The following ATP8A1 variants were observed in gnomAD, a reference collection of about 807,000 sequenced individuals.
The protein encoded by ATP8A1 is phospholipid-transporting ATPase IA.
ATP8A1 carries 90 observed loss-of-function variants against 177.7 expected under a neutral mutation model. The ratio of observed to expected loss-of-function variants is 0.51; its 90% confidence interval spans 0.43 to 0.60. The LOEUF is 0.60. Ranked by LOEUF, ATP8A1 falls within the 20% of genes least tolerant of loss-of-function variation. The pLI is 0.00. For synonymous variants in ATP8A1, 493 were observed against 485.9 expected, an observed-to-expected ratio of 1.01 and a Z score of -0.19; for missense variants, 1,072 against 1,392.8, an observed-to-expected ratio of 0.77 and a Z score of 3.67.
In ATP8A1 at chr4:42,412,891, G is replaced by C. The variant is rs375445242; in HGVS notation, c.*25C>G. ...GGTAGCTCTCCTTAGAGAGGTAACA[G>C]AGCCTGCCTTTCAGGCTCTCCCCAT... On this transcript the variant is annotated 3_prime_UTR_variant, in exon 37 of 37. Coordinates refer to ENST00000381668, the MANE Select transcript of ATP8A1 (RefSeq NM_006095.2). The C allele has an allele frequency of 6.2e-6, 10 of 1,605,500 alleles. No homozygotes were observed. In the African/African-American group the frequency reaches 8.0e-5, roughly 13 times the overall value.
intron 25 of ATP8A1, among the ~76,000 whole-genome samples, chr4:42,468,560 T>C (rs1392532922): frequency 2.0e-5 from 3 of 152,076 alleles, no homozygotes; most frequent in Non-Finnish European, 4.4e-5. Context: ...ACTATTATTG[T>C]AAGTGAAGTA....
intron 35 of ATP8A1, among the ~76,000 whole-genome samples, chr4:42,415,860 T>C (rs1013400652): frequency 6.6e-6 from 1 of 152,200 alleles, no homozygotes; most frequent in African/African-American, 2.4e-5. Context: ...GTAAATGAAT[T>C]ATGCAAACAT....
At chr4:42,632,849 G>A (rs1421117889) in intron 1 of ATP8A1, among the ~76,000 whole-genome samples, 1 of 152,106 alleles carries the variant, frequency 6.6e-6, no homozygotes, top group Non-Finnish European at 1.5e-5. Context: ...ATCCCTGGGG[G>A]TTATTCTCTT....
In ATP8A1 at chr4:42,414,664, G is replaced by T. The variant is rs1291779246; in HGVS notation, c.3360C>A (p.Asn1120Lys). The T allele has an allele frequency of 6.2e-7, 1 of 1,613,778 alleles. No homozygotes were observed. Among genetic ancestry groups the T allele is most frequent in the Non-Finnish European group, 8.5e-7 (1 of 1,179,826 alleles). The change falls in exon 36 of 37, where the codon AAC becomes AAA. Residue 1120 changes from asparagine (N) to lysine (K), a missense_variant. Physicochemically the swap from Asn to Lys is moderately conservative, Grantham distance 94. Around this residue, in one of 5 missense-constraint regions of ATP8A1, gnomAD observed 316 missense variants for 459.1 expected, o/e 0.69. Coordinates refer to ENST00000381668, the MANE Select transcript of ATP8A1 (RefSeq NM_006095.2). ...LKNVFKKNHV[N>K]LYRSESLQQN... ...GTTGCAAGGATTCAGAGCGGTACAAGTTCACGTGGTTCTTCTTAAAGACGT... is the reference window on the plus strand; with the variant it reads ...GTTGCAAGGATTCAGAGCGGTACAATTTCACGTGGTTCTTCTTAAAGACGT...
chr4:42,625,851 G>A, intron 2 of ATP8A1, 138 bp from the exon 3 acceptor site: 1 of 482,438 alleles, frequency 2.1e-6, no homozygotes, highest in Non-Finnish European at 3.7e-6. Context: ...TATTGCAAAG[G>A]GTCATTAACC....
chr4:42,576,475 C>CAAAAAAAA (rs1159794343), intron 12 of ATP8A1, among the ~76,000 whole-genome samples: 522 of 32,424 alleles, frequency 0.016, 93 homozygotes, highest in African/African-American at 0.039. Context: ...GACGCCGTCT[C>CAAAAAAAA]AAAAAAAAAA....
At chr4:42,623,084 C>T (rs1048425013) in intron 4 of ATP8A1, among the ~76,000 whole-genome samples, 18 of 150,582 alleles carry the variant, frequency 1.2e-4, no homozygotes, top group African/African-American at 2.9e-4. Flanking sequence ...GGCCAGCAAA[C>T]GTTGAAAAAA....
rs985453605 is a variant in ATP8A1, at chr4:42,470,101, T to C, written c.2325-5025A>G. ...CTGTTCCACCGTTGCTTTTTCTTCT[T>C]TGGTAGAAGAGACTCCATGGAAAAA... is the stretch of plus-strand genomic sequence containing the variant. On this transcript the variant is annotated intron_variant, in intron 25 of 36. Coordinates refer to ENST00000381668, the MANE Select transcript of ATP8A1 (RefSeq NM_006095.2). Among the ~76,000 whole-genome samples, 3 of 152,336 alleles carry C rather than the reference T, an allele frequency of 2.0e-5. No individual in the cohort carries two copies. The South Asian group carries it at 6.2e-4, about 32-fold the overall frequency.
chr4:42,628,070 T>G (rs1738303915), intron 1 of ATP8A1, among the ~76,000 whole-genome samples: 1 of 152,156 alleles, frequency 6.6e-6, no homozygotes, highest in Admixed American at 6.5e-5. Flanking sequence ...GGGAACTCCC[T>G]AGGGCCATAG....
At chr4:42,555,139 AATCTATCTATCTATCT>A (rs1553903247) in intron 16 of ATP8A1, among the ~76,000 whole-genome samples, 35 of 59,558 alleles carry the variant, frequency 5.9e-4, no homozygotes, top group South Asian at 1.1e-3. Flanking sequence ...CTATCTATCT[AATCTATCTATCTATCT>A]ATCTATCTAT....
chr4:42,435,426 CAAAAAAAA>C (rs55945370), intron 33 of ATP8A1, among the ~76,000 whole-genome samples: 1 of 93,958 alleles, frequency 1.1e-5, no homozygotes, highest in Non-Finnish European at 2.3e-5. Flanking sequence ...GACTTCATCT[CAAAAAAAA>C]AAAAAAAAAA....
rs114952463 is a variant in ATP8A1, at chr4:42,656,732, T to A, written c.49+93A>T. 4,444 of 1,325,880 alleles carry A rather than the reference T, an allele frequency of 3.4e-3. 96 individuals carry two copies. The African/African-American group carries it at 0.056, about 17-fold the overall frequency. The allele number at this position is 1,325,880 out of a possible 1,614,324, so 82.1% of individuals were successfully genotyped here. A position where few individuals can be genotyped will look rare whatever the true frequency, so the allele number is the denominator to read the frequency against. On this transcript the variant is annotated intron_variant, in intron 1 of 36. Transcript: ENST00000381668. Reference sequence around the variant, plus strand: ...AGTCGGACTGCCGCCGGGGAAGAGGTAGGATGCGGTCTCTTCCAGGATAAA... The same window carrying A: ...AGTCGGACTGCCGCCGGGGAAGAGGAAGGATGCGGTCTCTTCCAGGATAAA...
chr4:42,424,596 T>C (rs951838448), intron 33 of ATP8A1, among the ~76,000 whole-genome samples: 2 of 152,200 alleles, frequency 1.3e-5, no homozygotes, highest in African/African-American at 4.8e-5. Context: ...AAAAATAACC[T>C]AGAGTTTAAT....
chr4:42,602,094 G>C (rs148364574), intron 5 of ATP8A1, among the ~76,000 whole-genome samples: 118 of 152,082 alleles, frequency 7.8e-4, no homozygotes, highest in African/African-American at 2.7e-3. Flanking sequence ...GCATTTTGGT[G>C]AATCAACTTC....
At chr4:42,628,764 C>T (rs1738391401) in intron 1 of ATP8A1, among the ~76,000 whole-genome samples, 1 of 152,132 alleles carries the variant, frequency 6.6e-6, no homozygotes, top group Non-Finnish European at 1.5e-5. Context: ...GGTCTTCCTT[C>T]GTGGTAGCAT....
At chr4:42,421,743 A>C (rs2153167548) in intron 35 of ATP8A1, among the ~76,000 whole-genome samples, 1 of 152,306 alleles carries the variant, frequency 6.6e-6, no homozygotes, top group East Asian at 1.9e-4. Flanking sequence ...GATTAAGGTG[A>C]CATATACTAG....
chr4:42,605,485 G>A (rs1735706231), intron 5 of ATP8A1, among the ~76,000 whole-genome samples: 1 of 152,164 alleles, frequency 6.6e-6, no homozygotes, highest in Non-Finnish European at 1.5e-5. Flanking sequence ...CATGGGAAGT[G>A]TCACAACAGG....
intron 31 of ATP8A1, among the ~76,000 whole-genome samples, chr4:42,446,080 CAA>C (rs11311245): frequency 0.013 from 803 of 63,914 alleles, 18 homozygotes; most frequent in African/African-American, 0.035. Flanking sequence ...AACGCCCTCT[CAA>C]AAAAAAAAAA....
intron 1 of ATP8A1, among the ~76,000 whole-genome samples, chr4:42,636,372 G>A (rs1018664846): frequency 2.6e-5 from 4 of 151,120 alleles, no homozygotes; most frequent in African/African-American, 9.7e-5. Context: ...GTTCGATTGT[G>A]AGCCTGACAG....
Sources: allele counts gnomAD v4.1 joint callset (sites outside exome capture counted in the v4.1 genomes callset), GRCh38; gene constraint gnomAD v4.1.1; regional missense constraint gnomAD v4.1.1; transcripts MANE v1.5; gene names NCBI Gene and HGNC (gene_info 2026-07-23, HGNC 2026-07-21).